Variants in ELAVL2 observed in about 807,000 individuals in gnomAD.
ELAVL2 encodes ELAV like RNA binding protein 2.
A neutral mutation model predicts 34.6 loss-of-function variants in ELAVL2; 4 were observed. The ratio of observed to expected loss-of-function variants is 0.12; its 90% confidence interval spans 0.06 to 0.26. The LOEUF is 0.26. Ranked by LOEUF, ELAVL2 falls within the 10% of genes least tolerant of loss-of-function variation. The pLI is 1.00. For missense variants in ELAVL2, 432 were observed against 442.8 expected, an observed-to-expected ratio of 0.98 and a Z score of 0.22; for synonymous variants, 193 against 154.8, an observed-to-expected ratio of 1.25 and a Z score of -1.83.
At chr9:23,774,915 C>G (rs980378282) in intron 1 of ELAVL2, among the ~76,000 whole-genome samples, 5 of 152,138 alleles carry the variant, frequency 3.3e-5, no homozygotes, top group African/African-American at 9.7e-5. Flanking sequence ...GATCAAGTTT[C>G]CACAATTAAT....
chr9:23,744,710 T>C (rs958151160), intron 2 of ELAVL2, among the ~76,000 whole-genome samples: 2 of 151,938 alleles, frequency 1.3e-5, no homozygotes, highest in African/African-American at 4.8e-5. Flanking sequence ...CCTACTATAC[T>C]ATTTTGGGCT....
At chr9:23,726,683 G>A (rs1384608373) in intron 3 of ELAVL2, among the ~76,000 whole-genome samples, 1 of 151,988 alleles carries the variant, frequency 6.6e-6, no homozygotes, top group Non-Finnish European at 1.5e-5. Flanking sequence ...ATGCAGAGGA[G>A]GGAGGAAGTC....
At chr9:23,850,089 G>A in the ELAVL2 span, among the ~76,000 whole-genome samples, 2 of 151,000 alleles carry the variant, frequency 1.3e-5, no homozygotes, top group Non-Finnish European at 2.9e-5. Flanking sequence ...CAAGACGCAC[G>A]GTTCAGAACA....
At chr9:23,701,069 C>A (rs1050361633) in intron 5 of ELAVL2, among the ~76,000 whole-genome samples, 2 of 152,106 alleles carry the variant, frequency 1.3e-5, no homozygotes, top group African/African-American at 2.4e-5. Context: ...GCTAGTAGCA[C>A]CCCCACAGGT....
At chr9:23,741,075 G>A (rs2049042474) in intron 2 of ELAVL2, among the ~76,000 whole-genome samples, 1 of 152,164 alleles carries the variant, frequency 6.6e-6, no homozygotes, top group Admixed American at 6.5e-5. Flanking sequence ...GTGCATCGCA[G>A]GGGTTTCAGG....
chr9:23,727,109 ATGTCAACACTGGGGATACTG>A (rs1318492713), intron 3 of ELAVL2, among the ~76,000 whole-genome samples: 1 of 152,038 alleles, frequency 6.6e-6, no homozygotes, highest in Non-Finnish European at 1.5e-5. Flanking sequence ...TTTATTTACC[ATGTCAACACTGGGGATACTG>A]TGGGCAGGCT....
At chr9:23,714,378 ATTATTAAAGT>A (rs1392180636) in intron 3 of ELAVL2, among the ~76,000 whole-genome samples, 1 of 152,234 alleles carries the variant, frequency 6.6e-6, no homozygotes, top group Non-Finnish European at 1.5e-5. Context: ...CATGGTGATA[ATTATTAAAGT>A]TAATTCCTGA....
At chr9:23,776,942 A>G (rs1012633830) in intron 1 of ELAVL2, among the ~76,000 whole-genome samples, 3 of 152,108 alleles carry the variant, frequency 2.0e-5, no homozygotes, top group African/African-American at 7.2e-5. Context: ...CACTAAGAAA[A>G]TTTTAAATTA....
intron 1 of ELAVL2, among the ~76,000 whole-genome samples, chr9:23,811,351 A>G (rs1474689350): frequency 1.3e-5 from 2 of 151,578 alleles, no homozygotes; most frequent in Non-Finnish European, 2.9e-5. Context: ...AAAACCCACG[A>G]AACAGTAATG....
chr9:23,813,590 C>A (rs2063312262), intron 1 of ELAVL2, among the ~76,000 whole-genome samples: 1 of 152,060 alleles, frequency 6.6e-6, no homozygotes, highest in Non-Finnish European at 1.5e-5. Flanking sequence ...TAAATAGAAG[C>A]AGGCAACTGG....
intron 1 of ELAVL2, among the ~76,000 whole-genome samples, chr9:23,803,050 C>T (rs1487378815): frequency 6.6e-6 from 1 of 152,148 alleles, no homozygotes; most frequent in Non-Finnish European, 1.5e-5. Flanking sequence ...GTCTAATTCA[C>T]TGCTACATAA....
chr9:23,756,624 G>A (rs1267372053), intron 2 of ELAVL2, among the ~76,000 whole-genome samples: 1 of 152,102 alleles, frequency 6.6e-6, no homozygotes, highest in Non-Finnish European at 1.5e-5. Flanking sequence ...TAAGGACACA[G>A]CCTAGTGACG....
At chr9:23,753,414 T>A (rs1360486126) in intron 2 of ELAVL2, among the ~76,000 whole-genome samples, 2 of 151,706 alleles carry the variant, frequency 1.3e-5, no homozygotes, top group African/African-American at 4.9e-5. Context: ...TATTCTGAAT[T>A]TAAACAAAGT....
At chr9:23,731,637 C>T (rs189866490) in intron 2 of ELAVL2, among the ~76,000 whole-genome samples, 56 of 152,102 alleles carry the variant, frequency 3.7e-4, no homozygotes, top group African/African-American at 1.2e-3. Flanking sequence ...CATGTGTGGG[C>T]GTGTATACAT....
At chr9:23,804,779 G>C (rs1176102280) in intron 1 of ELAVL2, among the ~76,000 whole-genome samples, 1 of 152,112 alleles carries the variant, frequency 6.6e-6, no homozygotes, top group Non-Finnish European at 1.5e-5. Flanking sequence ...GGGAAGTAAA[G>C]GCAAGTCGGG....
At chr9:23,697,160 T>C (rs2035550721) in intron 5 of ELAVL2, among the ~76,000 whole-genome samples, 1 of 151,976 alleles carries the variant, frequency 6.6e-6, no homozygotes, top group Non-Finnish European at 1.5e-5. Flanking sequence ...ATAACCTGCT[T>C]TAATTAAAAT....
At chr9:23,844,347 T>C in the ELAVL2 span, among the ~76,000 whole-genome samples, 1 of 152,118 alleles carries the variant, frequency 6.6e-6, no homozygotes, top group Admixed American at 6.6e-5. Flanking sequence ...CATGTAATGA[T>C]GTCTGTTGAG....
At chr9:23,700,296 G>A (rs2133091383) in intron 5 of ELAVL2, among the ~76,000 whole-genome samples, 1 of 152,294 alleles carries the variant, frequency 6.6e-6, no homozygotes, top group Non-Finnish European at 1.5e-5. Flanking sequence ...ATTTAAAAAT[G>A]TCCTGGAAAA....
chr9:23,703,028 T>TA (rs1336895559), intron 4 of ELAVL2, among the ~76,000 whole-genome samples: 1 of 139,488 alleles, frequency 7.2e-6, no homozygotes, highest in Admixed American at 7.6e-5. Context: ...TCCTCCTACT[T>TA]AAGCATACCT....
Sources: allele counts gnomAD v4.1 joint callset (sites outside exome capture counted in the v4.1 genomes callset), GRCh38; gene constraint gnomAD v4.1.1; transcripts MANE v1.5; gene names NCBI Gene and HGNC (gene_info 2026-07-23, HGNC 2026-07-21).